Variants in TRAPPC8 observed in about 807,000 individuals in gnomAD.
The protein encoded by TRAPPC8 is trafficking protein particle complex subunit 8.
In TRAPPC8, 54 loss-of-function variants were observed where a neutral mutation model predicts 174.3. That is an observed-to-expected ratio of 0.31 (90% CI 0.25 to 0.39). The LOEUF (loss-of-function observed/expected upper bound fraction) is 0.39. Among genes scored for constraint, TRAPPC8 ranks in the 10% least tolerant of loss-of-function variants. The pLI, the probability that TRAPPC8 is intolerant of heterozygous loss-of-function variation, is 1.00. For synonymous variants in TRAPPC8, 630 were observed against 579.9 expected, an observed-to-expected ratio of 1.09 and a Z score of -1.24; for missense variants, 1,531 against 1,699.1, an observed-to-expected ratio of 0.90 and a Z score of 1.74.
chr18:31,861,906 CAG>C (rs1297987771), intron 19 of TRAPPC8, among the ~76,000 whole-genome samples: 1 of 116,118 alleles, frequency 8.6e-6, no homozygotes, highest in African/African-American at 3.6e-5. Flanking sequence ...GCCTGGGTGA[CAG>C]AGCGATCCCG....
At chr18:31,837,218 A>T (rs2032800093) in intron 27 of TRAPPC8, among the ~76,000 whole-genome samples, 1 of 152,156 alleles carries the variant, frequency 6.6e-6, no homozygotes, top group Non-Finnish European at 1.5e-5. Context: ...TTTTTTAAAG[A>T]TCCAACAAGA....
At chr18:31,849,520 G>C (rs752870659) in intron 25 of TRAPPC8, 46 bp downstream of exon 25, 14 of 1,452,156 alleles carry the variant, frequency 9.6e-6, no homozygotes, top group Non-Finnish European at 1.3e-5. Context: ...CTTAAGACTC[G>C]AGTATCTATA....
chr18:31,857,571 A>T lies in TRAPPC8; in HGVS notation c.3157T>A (p.Tyr1053Asn). Residue 1053 changes from tyrosine (Y) to asparagine (N), a missense_variant, in exon 20 of 29, where the codon TAT becomes AAT. Physicochemically the swap from Tyr to Asn is moderately radical, Grantham distance 143 (BLOSUM62 -2). Coordinates refer to ENST00000283351, the MANE Select transcript of TRAPPC8 (RefSeq NM_014939.5). ...TTTGGCTGCTTTTTGACACTTTCAT[A>T]GTAAAACAAAAAGTTAATTTCATGG... ...GVHEINFLFYYESVKKQPKIR... is the reference protein window; with the variant it reads ...GVHEINFLFYNESVKKQPKIR... 1.2e-6 allele frequency: 2 copies of T among 1,606,322 alleles called. No homozygotes were observed. The highest frequency in any genetic ancestry group is 1.7e-6 in the Non-Finnish European group (2 of 1,177,006).
In TRAPPC8 at chr18:31,908,525, A is replaced by G. The variant is rs1176016833; in HGVS notation, c.1123-107T>C. On this transcript the variant is annotated intron_variant, in intron 7 of 28. Coordinates refer to ENST00000283351, the MANE Select transcript of TRAPPC8 (RefSeq NM_014939.5). ...TTTAATAGCAAATGTTCATTTTAAT[A>G]AAACTGATTTAAAGAAAACTGTCCA... 1.4e-5 allele frequency: 13 copies of G among 920,942 alleles called. No individual in the cohort carries two copies. In the Admixed American group the frequency reaches 4.4e-4, roughly 31 times the overall value. 57.0% of individuals were successfully genotyped at this position (920,942 alleles called of 1,614,324 possible). A position where few individuals can be genotyped will look rare whatever the true frequency, so the allele number is the denominator to read the frequency against.
chr18:31,922,250 AC>A (rs1308564285), intron 2 of TRAPPC8, among the ~76,000 whole-genome samples: 29 of 152,364 alleles, frequency 1.9e-4, no homozygotes, highest in African/African-American at 6.5e-4. Context: ...ATACAGACAT[AC>A]ACAGACATAC....
intron 14 of TRAPPC8, among the ~76,000 whole-genome samples, chr18:31,872,513 G>A (rs1011026604): frequency 6.6e-6 from 1 of 152,000 alleles, no homozygotes; most frequent in African/African-American, 2.4e-5. Flanking sequence ...TCCGCCTCCT[G>A]GGTTCAAGCG....
intron 2 of TRAPPC8, among the ~76,000 whole-genome samples, chr18:31,928,173 TAAAATAAAATA>T (rs2037701685): frequency 6.7e-6 from 1 of 150,032 alleles, no homozygotes; most frequent in Non-Finnish European, 1.5e-5. Context: ...TAAAATAAAA[TAAAATAAAATA>T]AAATTAAAAT....
chr18:31,864,630 C>T lies in TRAPPC8; in HGVS notation c.2742G>A (p.Leu914=). Reference sequence around the variant, plus strand: ...GAAATTTTAAAAAGTGAAATACCTCCAACAGTGGCATTTCTTCTGTGATTA... The same window carrying T: ...GAAATTTTAAAAAGTGAAATACCTCTAACAGTGGCATTTCTTCTGTGATTA... ...DPIITEEMPL[L]EVFFIHFPTG... The change falls in exon 19 of 29, where the codon TTG becomes TTA. Residue 914 remains leucine (L), a synonymous_variant. Coordinates refer to ENST00000283351, the MANE Select transcript of TRAPPC8 (RefSeq NM_014939.5). 1 of 1,611,012 alleles carries T rather than the reference C, an allele frequency of 6.2e-7. No homozygotes were observed. The highest frequency in any genetic ancestry group is 8.5e-7 in the Non-Finnish European group (1 of 1,178,868).
chr18:31,870,293 C>A, intron 16 of TRAPPC8, 79 bp downstream of exon 16: 1 of 1,329,792 alleles, frequency 7.5e-7, no homozygotes, highest in South Asian at 1.5e-5. Context: ...GCTCACTGAA[C>A]AGAGTACATT....
chr18:31,897,713 A>G (rs2036239360), intron 11 of TRAPPC8, 73 bp downstream of exon 11: 4 of 1,111,556 alleles, frequency 3.6e-6, no homozygotes, highest in Non-Finnish European at 4.8e-6. Context: ...AAAGCCTTTC[A>G]AGAAAAAAGA....
In TRAPPC8 at chr18:31,942,952, C is replaced by A; in HGVS notation, c.-188G>T. On this transcript the variant is annotated 5_prime_UTR_variant, in exon 1 of 29. Transcript: ENST00000283351. ...GGTTTCTGGGGCACAATCCACTGACCCCCCCCTTCCCGTCACCGCCGCTTC... is the reference window on the plus strand; with the variant it reads ...GGTTTCTGGGGCACAATCCACTGACACCCCCCTTCCCGTCACCGCCGCTTC... 10 of 1,156,128 alleles carry A rather than the reference C, an allele frequency of 8.6e-6. No individual in the cohort carries two copies. Among genetic ancestry groups the A allele is most frequent in the East Asian group, 3.2e-5 (1 of 31,294 alleles). The allele number at this position is 1,156,128 out of a possible 1,614,324, so 71.6% of individuals were successfully genotyped here.
At chr18:31,931,138 T>C (rs911918412) in intron 2 of TRAPPC8, among the ~76,000 whole-genome samples, 191 bp downstream of exon 2, 1 of 152,216 alleles carries the variant, frequency 6.6e-6, no homozygotes, top group Non-Finnish European at 1.5e-5. Flanking sequence ...ATGCATATGT[T>C]CTAGATACTA....
intron 27 of TRAPPC8, chr18:31,832,669 A>G (rs1261864108): frequency 6.6e-6 from 1 of 152,192 alleles, no homozygotes; most frequent in Non-Finnish European, 1.5e-5. Flanking sequence ...TTATGAGGAA[A>G]TCTCTTTCGA....
At chr18:31,919,857 G>A (rs2037310907) in intron 2 of TRAPPC8, among the ~76,000 whole-genome samples, 1 of 151,632 alleles carries the variant, frequency 6.6e-6, no homozygotes, top group South Asian at 2.1e-4. Context: ...GTGAGACCCT[G>A]TCTCAAAAAA....
chr18:31,858,931 C>A (rs2034177806), intron 19 of TRAPPC8, among the ~76,000 whole-genome samples: 6 of 152,084 alleles, frequency 3.9e-5, no homozygotes, highest in Admixed American at 3.9e-4. Context: ...ATGGTGAGAC[C>A]TGTTTCTATC....
intron 9 of TRAPPC8, among the ~76,000 whole-genome samples, chr18:31,905,659 A>G (rs1260307418): frequency 1.3e-5 from 2 of 152,230 alleles, no homozygotes; most frequent in African/African-American, 4.8e-5. Context: ...AAAGATGAAT[A>G]GGTTTCAAGA....
chr18:31,848,596 G>T (rs1441224764), intron 25 of TRAPPC8, among the ~76,000 whole-genome samples: 2 of 151,872 alleles, frequency 1.3e-5, no homozygotes, highest in African/African-American at 4.8e-5. Flanking sequence ...AAGTCAGCTT[G>T]GTTTCAAAAA....
At chr18:31,877,150 G>A (rs1397733165) in intron 12 of TRAPPC8, among the ~76,000 whole-genome samples, 2 of 152,162 alleles carry the variant, frequency 1.3e-5, no homozygotes, top group Non-Finnish European at 2.9e-5. Flanking sequence ...AGCAACAATC[G>A]CTGAAGTGGG....
In TRAPPC8 at chr18:31,935,552, A is replaced by G. The variant is rs1408217126; in HGVS notation, c.158-4029T>C. 1.6e-4 allele frequency among the ~76,000 whole-genome samples: 20 copies of G among 122,996 alleles called. 1 individual carries two copies. The highest frequency in any genetic ancestry group is 2.9e-4 in the Non-Finnish European group (16 of 55,226). 80.7% of individuals were successfully genotyped at this position (122,996 alleles called of 152,430 possible). A position where few individuals can be genotyped will look rare whatever the true frequency, so the allele number is the denominator to read the frequency against. On this transcript the variant is annotated intron_variant, in intron 1 of 28. Coordinates refer to ENST00000283351, the MANE Select transcript of TRAPPC8 (RefSeq NM_014939.5). ...AACAAGAGCGAAACTCCATCTTAAAAAAAAAAAAAAAAAAAAGCAGGCTTT... is the reference window on the plus strand; with the variant it reads ...AACAAGAGCGAAACTCCATCTTAAAGAAAAAAAAAAAAAAAAGCAGGCTTT...
Sources: allele counts gnomAD v4.1 joint callset (sites outside exome capture counted in the v4.1 genomes callset), GRCh38; gene constraint gnomAD v4.1.1; transcripts MANE v1.5; gene names NCBI Gene and HGNC (gene_info 2026-07-23, HGNC 2026-07-21).